The following MIR17HG variants were observed in gnomAD, a reference collection of about 807,000 sequenced individuals.
MIR17HG encodes the protein MIR17 host gene (non-protein coding).
chr13:91,352,674 C>T (rs72640334), intron 3 of MIR17HG, among the ~76,000 whole-genome samples: 1 of 152,002 alleles, frequency 6.6e-6, no homozygotes, highest in Non-Finnish European at 1.5e-5. Flanking sequence ...CATAAATTTT[C>T]AGGATGTGAA....
At chr13:91,352,222 A>G (rs1875350701) in intron 3 of MIR17HG, 1 of 152,206 alleles carries the variant, frequency 6.6e-6, no homozygotes, top group South Asian at 2.1e-4. Context: ...TTTGACTTAA[A>G]GTCACTGAAG....
chr13:91,348,826 G>A (rs2138688380), intron 1 of MIR17HG, among the ~76,000 whole-genome samples: 1 of 149,852 alleles, frequency 6.7e-6, no homozygotes. Flanking sequence ...GGACATGGCG[G>A]CGACTGCGCG....
intron 3 of MIR17HG, chr13:91,350,282 C>T (rs1461698124): frequency 1.0e-5 from 2 of 192,250 alleles, no homozygotes; most frequent in Non-Finnish European, 2.2e-5. Context: ...CATTTATTTG[C>T]AGTCTCATTT....
At chr13:91,351,169 A>G (rs1257208443) in intron 3 of MIR17HG, 1 of 525,334 alleles carries the variant, frequency 1.9e-6, no homozygotes, top group Non-Finnish European at 4.0e-6. Context: ...CCTGTCGCCC[A>G]ATCAAACTGT....
intron 1 of MIR17HG, among the ~76,000 whole-genome samples, chr13:91,349,281 C>T (rs1044610380): frequency 6.6e-6 from 1 of 152,168 alleles, no homozygotes; most frequent in East Asian, 1.9e-4. Flanking sequence ...TAACGGCATG[C>T]CATCAGGACC....
At position 91,350,120 on chromosome 13, in the gene MIR17HG, A is replaced by T. The variant is rs531849643; in HGVS notation, n.214-36A>T. The T allele has an allele frequency of 3.9e-4, 67 of 170,768 alleles. No individual in the cohort carries two copies. In the South Asian group the frequency reaches 9.4e-3, roughly 24 times the overall value. The allele number at this position is 170,768 out of a possible 1,614,324, so 10.6% of individuals were successfully genotyped here. A position where few individuals can be genotyped will look rare whatever the true frequency, so the allele number is the denominator to read the frequency against. On this transcript the variant is annotated intron_variant and non_coding_transcript_variant, in intron 2 of 3. Transcript: ENST00000400282. ...AATTGACTGATAACACTTGAAGTGT[A>T]GTCTGAACAGTAATTTTGTTAATCA...
exon 4 of MIR17HG, chr13:91,354,384 A>G (rs1478203199): frequency 6.6e-6 from 1 of 152,254 alleles, no homozygotes; most frequent in Non-Finnish European, 1.5e-5. Flanking sequence ...AGAAAAGTTG[A>G]AGAATGCTTA....
chr13:91,348,206 C>T (rs1875063845), intron 1 of MIR17HG, among the ~76,000 whole-genome samples: 1 of 147,818 alleles, frequency 6.8e-6, no homozygotes, highest in South Asian at 2.1e-4. Flanking sequence ...GGGCGGCGTG[C>T]GCGTGGCGGC....
chr13:91,348,588 G>T (rs566814919), intron 1 of MIR17HG, among the ~76,000 whole-genome samples: 1 of 151,094 alleles, frequency 6.6e-6, no homozygotes, highest in Non-Finnish European at 1.5e-5. Flanking sequence ...CGCCACCCCC[G>T]CTCCGCGTGG....
exon 4 of MIR17HG, chr13:91,354,452 G>A (rs1875475076): frequency 6.6e-6 from 1 of 152,126 alleles, no homozygotes; most frequent in African/African-American, 2.4e-5. Context: ...GCCTAGTTCT[G>A]TATTTACAGT....
intron 3 of MIR17HG, among the ~76,000 whole-genome samples, chr13:91,353,571 A>T (rs1875432374): frequency 6.6e-6 from 1 of 152,206 alleles, no homozygotes; most frequent in Admixed American, 6.5e-5. Flanking sequence ...TAAGTATTGT[A>T]TAAAAAGATT....
At chr13:91,350,985 A>C (rs776459983) in intron 3 of MIR17HG, 2 of 529,470 alleles carry the variant, frequency 3.8e-6, no homozygotes, top group South Asian at 2.8e-5. Context: ...TTTCCTTCAA[A>C]TGAATGATTT....
At chr13:91,352,246 G>C (rs1000971182) in intron 3 of MIR17HG, 3 of 152,206 alleles carry the variant, frequency 2.0e-5, no homozygotes, top group African/African-American at 7.2e-5. Flanking sequence ...AAACTAAGAA[G>C]TGGCAGTTAG....
chr13:91,352,030 AG>A (rs966130273), intron 3 of MIR17HG: 2 of 153,128 alleles, frequency 1.3e-5, no homozygotes, highest in African/African-American at 4.8e-5. Flanking sequence ...AGTTAGAAAA[AG>A]AACAAATGCT....
At chr13:91,354,334 A>T (rs1440578143) in exon 4 of MIR17HG, 1 of 152,204 alleles carries the variant, frequency 6.6e-6, no homozygotes, top group South Asian at 2.1e-4. Context: ...TTAAAGGGTC[A>T]TTAGGAAAAT....
intron 3 of MIR17HG, chr13:91,350,924 CAAG>C (rs764765453): frequency 3.7e-6 from 2 of 534,550 alleles, no homozygotes; most frequent in East Asian, 5.4e-5. Flanking sequence ...AGTTGCACTA[CAAG>C]AAGAATGTAG....
chr13:91,347,933 C>A (rs943843736), exon 1 of MIR17HG: 3 of 151,480 alleles, frequency 2.0e-5, no homozygotes, highest in African/African-American at 7.3e-5. Context: ...GCCGGCCAGC[C>A]GAAGATGGTG....
chr13:91,351,307 C>G (rs757259599), intron 3 of MIR17HG: 3 of 531,880 alleles, frequency 5.6e-6, no homozygotes, highest in South Asian at 2.8e-5. Context: ...AAGGGAAACT[C>G]AAACCCCTTT....
chr13:91,349,465 AG>A (rs1452580976), intron 1 of MIR17HG, among the ~76,000 whole-genome samples: 2 of 152,070 alleles, frequency 1.3e-5, no homozygotes, highest in Non-Finnish European at 2.9e-5. Context: ...GAGCTTATTT[AG>A]ACATGTATCT....
Sources: gnomAD v4.1 joint callset for allele counts (sites outside exome capture counted in the v4.1 genomes callset) on GRCh38, gnomAD v4.1.1 for gene constraint, MANE v1.5 for transcripts, NCBI Gene and HGNC (gene_info 2026-07-23, HGNC 2026-07-21) for gene names.